FGF14: variants seen among roughly 807,000 people sequenced by gnomAD.
FGF14 encodes the protein fibroblast growth factor 14, also known as fibroblast growth factor homologous factor 4.
Under a neutral mutation model 25.5 loss-of-function variants are expected in FGF14, and 5 were observed. That is an observed-to-expected ratio of 0.20 (90% CI 0.10 to 0.41). The LOEUF (loss-of-function observed/expected upper bound fraction) is 0.41. Among genes scored for constraint, FGF14 ranks in the 10% least tolerant of loss-of-function variants. The pLI, the probability that FGF14 is intolerant of heterozygous loss-of-function variation, is 1.00. For missense variants in FGF14, 222 were observed against 320.1 expected (o/e 0.69, Z 2.34); for synonymous variants, 138 against 118.3 (o/e 1.17, Z -1.08).
intron 1 of FGF14, among the ~76,000 whole-genome samples, chr13:102,243,414 T>C (rs543999291): frequency 5.9e-5 from 9 of 152,214 alleles, no homozygotes; most frequent in Non-Finnish European, 1.2e-4. Flanking sequence ...AAATAGATTA[T>C]GTAACTGTAT....
At chr13:102,216,454 C>T (rs532346796) in intron 1 of FGF14, among the ~76,000 whole-genome samples, 21 of 152,236 alleles carry the variant, frequency 1.4e-4, no homozygotes, top group African/African-American at 4.3e-4. Flanking sequence ...GATCACATCA[C>T]GCGGTATTCT....
At position 102,042,191 on chromosome 13, in the gene FGF14, A is replaced by G. The variant is rs192628553; in HGVS notation, c.209-166895T>C. On this transcript the variant is annotated intron_variant, in intron 1 of 4. Transcript: ENST00000376131. ...CTATGTGGCATAAAACATGGTAATG[A>G]GGCAGTCTGCATCTGCATGGCAGCT... 1.2e-4 allele frequency among the ~76,000 whole-genome samples: 18 copies of G among 152,330 alleles called. No homozygotes were observed. In the East Asian group the frequency reaches 3.3e-3, roughly 28 times the overall value.
intron 1 of FGF14, among the ~76,000 whole-genome samples, chr13:101,884,866 C>T: frequency 1.5e-5 from 1 of 67,932 alleles, no homozygotes; most frequent in South Asian, 4.6e-4. Context: ...CAGACACATA[C>T]ATACACACAC....
At chr13:102,157,133 T>C (rs1013670796) in intron 1 of FGF14, among the ~76,000 whole-genome samples, 1 of 152,208 alleles carries the variant, frequency 6.6e-6, no homozygotes, top group Admixed American at 6.5e-5. Context: ...CCAATGACTT[T>C]CTTCACAGAA....
chr13:101,929,905 CTT>C (rs2034636440), intron 1 of FGF14, among the ~76,000 whole-genome samples: 1 of 151,998 alleles, frequency 6.6e-6, no homozygotes. Flanking sequence ...AGAAGGATGA[CTT>C]TGTTTTTAAT....
chr13:102,068,939 A>AG (rs150038299), intron 1 of FGF14, among the ~76,000 whole-genome samples: 88,168 of 152,008 alleles, frequency 0.58, 28,222 homozygotes, highest in African/African-American at 0.86. Flanking sequence ...TGGGCTCCTG[A>AG]TCTGGTGGGG....
At chr13:101,802,432 G>A in intron 3 of FGF14, 1 of 208,420 alleles carries the variant, frequency 4.8e-6, no homozygotes, top group South Asian at 8.4e-5. Flanking sequence ...AAAGAGGAAG[G>A]GGAGGAGGAG....
intron 1 of FGF14, among the ~76,000 whole-genome samples, chr13:102,326,893 A>G (rs1398557640): frequency 6.6e-6 from 1 of 152,254 alleles, no homozygotes; most frequent in African/African-American, 2.4e-5. Flanking sequence ...CTAGTAGAAT[A>G]TGATTTTGAA....
intron 3 of FGF14, among the ~76,000 whole-genome samples, chr13:101,801,640 G>A (rs1253733749): frequency 6.6e-6 from 1 of 152,204 alleles, no homozygotes; most frequent in East Asian, 1.9e-4. Context: ...GGGAGCATCT[G>A]AGAAAACAGG....
At chr13:101,855,367 A>G (rs1268809258) in intron 3 of FGF14, among the ~76,000 whole-genome samples, 1 of 152,040 alleles carries the variant, frequency 6.6e-6, no homozygotes, top group Non-Finnish European at 1.5e-5. Flanking sequence ...AAATGCTTCT[A>G]GGTAAAACAC....
intron 1 of FGF14, among the ~76,000 whole-genome samples, chr13:102,191,345 C>T (rs189752256): frequency 1.2e-3 from 177 of 152,314 alleles, no homozygotes; most frequent in African/African-American, 3.6e-3. Flanking sequence ...ATTTGAACAA[C>T]ATAAATTTAT....
chr13:102,387,823 C>CTGTAG (rs1308606487), intron 1 of FGF14, among the ~76,000 whole-genome samples: 1 of 152,068 alleles, frequency 6.6e-6, no homozygotes, highest in East Asian at 1.9e-4. Flanking sequence ...CCTCTGCCTC[C>CTGTAG]CAGGTTCAAG....
In FGF14 at chr13:101,961,169, G is replaced by A. The variant is rs192927220; in HGVS notation, c.209-85873C>T. On this transcript the variant is annotated intron_variant, in intron 1 of 4. Coordinates refer to the FGF14 transcript ENST00000376131. ...CACTCTGATGACAGTTTCTTTCACT[G>A]TGCAGAAGCTCTTAAGTTTAACTAG... Among the ~76,000 whole-genome samples, 146 of 152,152 alleles carry A rather than the reference G, an allele frequency of 9.6e-4. 2 individuals are homozygous for A. Among genetic ancestry groups the A allele is most frequent in the Non-Finnish European group, 1.8e-3 (123 of 67,992 alleles).
intron 1 of FGF14, among the ~76,000 whole-genome samples, chr13:102,250,339 C>A (rs2052106482): frequency 6.6e-6 from 1 of 152,194 alleles, no homozygotes; most frequent in Admixed American, 6.6e-5. Flanking sequence ...GGTTAATGCA[C>A]TTCTTTGGAA....
At chr13:102,397,218 C>A (rs1285996227) in intron 1 of FGF14, among the ~76,000 whole-genome samples, 1 of 152,046 alleles carries the variant, frequency 6.6e-6, no homozygotes, top group Non-Finnish European at 1.5e-5. Context: ...AGATGTAAAG[C>A]AAGTAGCTTT....
At chr13:102,236,545 G>A (rs1371604679) in intron 1 of FGF14, among the ~76,000 whole-genome samples, 3 of 152,110 alleles carry the variant, frequency 2.0e-5, no homozygotes, top group Non-Finnish European at 2.9e-5. Flanking sequence ...GCACTGTCCC[G>A]GGAAGCCAAA....
At chr13:101,724,664 T>G (rs1033331064) in intron 4 of FGF14, among the ~76,000 whole-genome samples, 1 of 61,962 alleles carries the variant, frequency 1.6e-5, no homozygotes, top group South Asian at 7.8e-4. Flanking sequence ...AGAGTACCAA[T>G]AATTAACCAG....
At chr13:101,960,982 A>G (rs921856648) in intron 1 of FGF14, among the ~76,000 whole-genome samples, 3 of 152,176 alleles carry the variant, frequency 2.0e-5, no homozygotes, top group Non-Finnish European at 2.9e-5. Flanking sequence ...TTGGCAGGAT[A>G]AATGTCTTCT....
chr13:101,867,932 A>G (rs544783877), intron 3 of FGF14, among the ~76,000 whole-genome samples: 2,855 of 126,412 alleles, frequency 0.023, 139 homozygotes, highest in Admixed American at 0.14. Context: ...ACACACACAC[A>G]CACGCGCACA....
Sources: allele counts gnomAD v4.1 joint callset (sites outside exome capture counted in the v4.1 genomes callset), GRCh38; gene constraint gnomAD v4.1.1; transcripts MANE v1.5; gene names NCBI Gene and HGNC (gene_info 2026-07-23, HGNC 2026-07-21).